The following KMT2C variants were observed in gnomAD, a reference collection of about 807,000 sequenced individuals.
The protein encoded by KMT2C is histone-lysine N-methyltransferase 2C.
A neutral mutation model predicts 507.9 loss-of-function variants in KMT2C; 88 were observed. The ratio of observed to expected loss-of-function variants is 0.17; its 90% CI spans 0.15 to 0.21. KMT2C has a LOEUF of 0.21. Ranked by LOEUF, KMT2C falls within the 10% of genes least tolerant of loss-of-function variation. The probability of loss-of-function intolerance (pLI) is 1.00; values close to 1 mark genes in which losing one functional copy is unlikely to be tolerated. For missense variants in KMT2C, 4,954 were observed against 5,957.8 expected, an observed-to-expected ratio of 0.83 and a Z score of 5.55; for synonymous variants, 2,049 against 2,080.8, an observed-to-expected ratio of 0.98 and a Z score of 0.42.
intron 2 of KMT2C, among the ~76,000 whole-genome samples, chr7:152,354,521 C>T (rs187282670): frequency 9.2e-5 from 14 of 152,070 alleles, no homozygotes; most frequent in Non-Finnish European, 1.9e-4. Context: ...CTATCTGTTA[C>T]GTACTAGGAG....
intron 23 of KMT2C, among the ~76,000 whole-genome samples, chr7:152,217,165 C>G (rs2094604932): frequency 1.3e-5 from 2 of 152,168 alleles, no homozygotes; most frequent in African/African-American, 4.8e-5. Context: ...AGGTTTAATA[C>G]AAAATACCCA....
intron 1 of KMT2C, among the ~76,000 whole-genome samples, chr7:152,359,216 T>A (rs561127635): frequency 9.2e-5 from 14 of 151,750 alleles, no homozygotes; most frequent in African/African-American, 2.9e-4. Flanking sequence ...AAAATTTAAT[T>A]TATAAACACT....
chr7:152,319,849 T>C (rs1385933497), intron 3 of KMT2C, among the ~76,000 whole-genome samples: 1 of 152,104 alleles, frequency 6.6e-6, no homozygotes, highest in African/African-American at 2.4e-5. Context: ...TCTCTCTGCC[T>C]CAGCTGCCAG....
chr7:152,154,543 T>C (rs2091901780), intron 46 of KMT2C, 98 bp from the exon 47 acceptor site: 1 of 994,164 alleles, frequency 1.0e-6, no homozygotes, highest in Non-Finnish European at 1.5e-6. Flanking sequence ...GCTGTAAGGA[T>C]ACTCTGGGCA....
chr7:152,255,109 T>A (rs572729843), intron 9 of KMT2C, among the ~76,000 whole-genome samples: 1,888 of 77,912 alleles, frequency 0.024, 31 homozygotes, highest in Non-Finnish European at 0.03. Flanking sequence ...CAACTCTCAC[T>A]TATATATATA....
At chr7:152,368,805 T>C in intron 1 of KMT2C, 1 of 666,656 alleles carries the variant, frequency 1.5e-6, no homozygotes, top group Non-Finnish European at 2.6e-6. Flanking sequence ...TTTTTCTTGT[T>C]TTTCTTGATG....
chr7:152,164,426 A>T (rs927837290), intron 42 of KMT2C, among the ~76,000 whole-genome samples: 1 of 151,650 alleles, frequency 6.6e-6, no homozygotes, highest in Admixed American at 6.6e-5. Flanking sequence ...AGTAGCTGGG[A>T]CTACAGGCGC....
Position 152,222,701 on chromosome 7 carries a change from T to G in KMT2C, c.3324-19A>C, listed in dbSNP as rs762040193. On this transcript the variant is annotated intron_variant, in intron 20 of 58. Transcript: ENST00000262189. ...CATCCATCTAAAAAGACCATATTTG[T>G]ACATTTTTTTTAAAAAATGGAATAT... is the stretch of plus-strand genomic sequence containing the variant. The G allele has an allele frequency of 1.4e-5, 20 of 1,433,276 alleles. No homozygotes were observed. Among genetic ancestry groups the G allele is most frequent in the Admixed American group, 1.7e-5 (1 of 58,964 alleles). 88.8% of individuals were successfully genotyped at this position (1,433,276 alleles called of 1,614,324 possible).
At position 152,435,818 on chromosome 7, in the gene KMT2C, G is replaced by T; in HGVS notation, c.-32C>A. The T allele has an allele frequency of 7.5e-7, 1 of 1,329,658 alleles. No homozygotes were observed. The highest frequency in any genetic ancestry group is 3.2e-5 in the East Asian group (1 of 31,416). The allele number at this position is 1,329,658 out of a possible 1,614,324, so 82.4% of individuals were successfully genotyped here. On this transcript the variant is annotated 5_prime_UTR_variant, in exon 1 of 59. Transcript: ENST00000262189. ...CACCAGGAAAGACACATGGATCCCG[G>T]TCCTCCTCCTGGGGGGCTCCCGCCG...
At chr7:152,246,192 A>G (rs2095470486) in intron 14 of KMT2C, among the ~76,000 whole-genome samples, 1 of 152,216 alleles carries the variant, frequency 6.6e-6, no homozygotes, top group Non-Finnish European at 1.5e-5. Context: ...ACAGCACTAT[A>G]TTAGCAGGTT....
chr7:152,174,226 T>G lies in KMT2C; in HGVS notation c.9279A>C (p.Thr3093=). The part of the protein sequence containing the change: ...FFPNIDFDAI[T]DPIMKAKMVA... ...CCATTTTGGCTTTCATTATAGGATC[T>G]GTAATTGCATCAAAATCTAGAAAAG... Residue 3093 remains threonine (T), a synonymous_variant, in exon 39 of 59, where the codon ACA becomes ACC. Coordinates refer to ENST00000262189, the MANE Select transcript of KMT2C (RefSeq NM_170606.3). 4 of 1,566,324 alleles carry G rather than the reference T, an allele frequency of 2.6e-6. No individual in the cohort carries two copies. In the East Asian group the frequency reaches 9.0e-5, roughly 35 times the overall value.
intron 2 of KMT2C, among the ~76,000 whole-genome samples, chr7:152,338,909 A>G (rs1379498707): frequency 6.6e-6 from 1 of 152,218 alleles, no homozygotes; most frequent in Non-Finnish European, 1.5e-5. Context: ...ACTCTTTTTT[A>G]AGCACTGCTG....
intron 14 of KMT2C, among the ~76,000 whole-genome samples, chr7:152,242,925 T>C (rs2095411281): frequency 6.6e-6 from 1 of 152,172 alleles, no homozygotes; most frequent in Admixed American, 6.5e-5. Context: ...AGGTTGCTTA[T>C]AAACAGTAAG....
chr7:152,297,087 GAGAGAGAA>G (rs1292658138), intron 6 of KMT2C, among the ~76,000 whole-genome samples: 4 of 147,932 alleles, frequency 2.7e-5, no homozygotes, highest in African/African-American at 5.2e-5. Flanking sequence ...GAGAGAGAGA[GAGAGAGAA>G]AGAAAGAAAG....
intron 2 of KMT2C, among the ~76,000 whole-genome samples, chr7:152,352,340 A>T (rs1237594745): frequency 6.6e-6 from 1 of 152,140 alleles, no homozygotes; most frequent in Non-Finnish European, 1.5e-5. Context: ...CTTCATTACC[A>T]ATTTTAATTT....
At chr7:152,209,915 GC>G (rs1319812041) in intron 23 of KMT2C, among the ~76,000 whole-genome samples, 1 of 152,100 alleles carries the variant, frequency 6.6e-6, no homozygotes, top group Non-Finnish European at 1.5e-5. Flanking sequence ...GAAAACCCAA[GC>G]AACAAGAGAT....
intron 1 of KMT2C, among the ~76,000 whole-genome samples, chr7:152,396,328 T>G (rs2097537911): frequency 1.3e-5 from 2 of 152,188 alleles, no homozygotes; most frequent in Admixed American, 1.3e-4. Context: ...AGACAAAGAT[T>G]GGTGGACATC....
rs575132911 is a variant in KMT2C at position 152,324,384 on chromosome 7, A to T, written c.389+6217T>A. Among the ~76,000 whole-genome samples, 5 of 151,978 alleles carry T rather than the reference A, an allele frequency of 3.3e-5. No individual in the cohort carries two copies. In the South Asian group the frequency reaches 1.0e-3, roughly 31 times the overall value. ...GGATGTTAATTTACTTGATTCAATC[A>T]TTCCACTTTGCATTCATGAATTGAA... On this transcript the variant is annotated intron_variant, in intron 3 of 58. Transcript: ENST00000262189.
rs766887409 is a variant in KMT2C, at chr7:152,180,850, G to C, written c.7010C>G (p.Ser2337Cys). 8 of 1,614,190 alleles carry C rather than the reference G, an allele frequency of 5.0e-6. No homozygotes were observed. The South Asian group carries it at 8.8e-5, about 18-fold the overall frequency. Reference sequence around the variant, plus strand: ...TTGGGAGTGCATTGGAGAGTTTGAAGATGCACAGAAGCTCCCCTCTGATCC... The same window carrying C: ...TTGGGAGTGCATTGGAGAGTTTGAACATGCACAGAAGCTCCCCTCTGATCC... ...RPGSEGSFCA[S>C]SNSPMHSQGQ... The change falls in exon 36 of 59, where the codon TCT becomes TGT. Residue 2337 changes from serine (S) to cysteine (C), a missense_variant. Around this residue, in one of 29 missense-constraint regions of KMT2C, gnomAD observed 1,689 missense variants for 1,654.3 expected, o/e 1.02. Coordinates refer to ENST00000262189, the MANE Select transcript of KMT2C (RefSeq NM_170606.3).
Sources: allele counts gnomAD v4.1 joint callset (sites outside exome capture counted in the v4.1 genomes callset), GRCh38; gene constraint gnomAD v4.1.1; regional missense constraint gnomAD v4.1.1; transcripts MANE v1.5; gene names NCBI Gene and HGNC (gene_info 2026-07-23, HGNC 2026-07-21).